The following SS18 variants were observed in gnomAD, a reference collection of about 807,000 sequenced individuals.
SS18 encodes the protein SS18 subunit of BAF chromatin remodeling complex, also known as protein SSXT.
A neutral mutation model predicts 72.5 loss-of-function variants in SS18; 28 were observed. The observed-to-expected ratio is 0.39, with a 90% CI of 0.29 to 0.53. The LOEUF is 0.53. SS18 is among the 20% of genes least tolerant of loss of function. SS18 has a pLI of 0.76. For synonymous variants in SS18, 172 were observed against 164.2 expected (o/e 1.05, Z -0.37); for missense variants, 518 against 535.3 (o/e 0.97, Z 0.32).
intron 3 of SS18, chr18:26,064,852 C>A (rs2054184609): frequency 6.6e-6 from 1 of 151,824 alleles, no homozygotes; most frequent in African/African-American, 2.4e-5. Flanking sequence ...TAATTAAGTG[C>A]ATAGAAAACC....
chr18:26,046,346 T>C (rs973753866), intron 5 of SS18, among the ~76,000 whole-genome samples: 1 of 150,456 alleles, frequency 6.6e-6, no homozygotes, highest in Non-Finnish European at 1.5e-5. Flanking sequence ...TTAGAGTAAG[T>C]CTCTTTTCCA....
At position 26,052,732 on chromosome 18, in the gene SS18, C is replaced by T; in HGVS notation, c.499G>A (p.Val167Met). The T allele has an allele frequency of 6.2e-7, 1 of 1,614,118 alleles. No homozygotes were observed. The highest frequency in any genetic ancestry group is 8.5e-7 in the Non-Finnish European group (1 of 1,179,968). ...HGSMGGYNHS[V>M]PSSQSMPVQN... ...ACTGGCATGCTCTGTGATGATGGCACAGAATGGTTGTAACCTCCCATGGAT... is the reference window on the plus strand; with the variant it reads ...ACTGGCATGCTCTGTGATGATGGCATAGAATGGTTGTAACCTCCCATGGAT... The change falls in exon 5 of 11, where the codon GTG (valine) becomes ATG (methionine). Residue 167 changes from valine (V) to methionine (M), a missense_variant. Transcript: ENST00000415083.
chr18:26,073,455 T>C (rs1017564363), intron 3 of SS18, among the ~76,000 whole-genome samples: 1 of 152,134 alleles, frequency 6.6e-6, no homozygotes, highest in South Asian at 2.1e-4. Context: ...AAATTAATCA[T>C]AAACAAAAAC....
chr18:26,085,686 A>G (rs1273491729), intron 2 of SS18, among the ~76,000 whole-genome samples: 1 of 152,252 alleles, frequency 6.6e-6, no homozygotes, highest in African/African-American at 2.4e-5. Context: ...GGGGAAGGAG[A>G]TAAGACAGTG....
chr18:26,077,256 A>G (rs1317690986), intron 3 of SS18, among the ~76,000 whole-genome samples: 1 of 152,072 alleles, frequency 6.6e-6, no homozygotes, highest in Non-Finnish European at 1.5e-5. Context: ...TCCTGATCTG[A>G]TATTATGGGA....
chr18:26,049,897 T>C (rs1003193191), intron 5 of SS18, among the ~76,000 whole-genome samples: 3 of 151,266 alleles, frequency 2.0e-5, no homozygotes, highest in African/African-American at 7.3e-5. Flanking sequence ...AAAATATATG[T>C]TGGATTGACT....
At chr18:26,090,713 G>A (rs76998065), upstream of SS18, 1 of 859,070 alleles carries the variant, frequency 1.2e-6, no homozygotes, top group Non-Finnish European at 1.8e-6. Context: ...GGGCGGCGGG[G>A]CAGGCCTGAA....
At chr18:26,031,698 G>A (rs1244128612) in intron 10 of SS18, among the ~76,000 whole-genome samples, 1 of 152,172 alleles carries the variant, frequency 6.6e-6, no homozygotes, top group Non-Finnish European at 1.5e-5. Context: ...ATCCTAGGAT[G>A]AGATACACTT....
intron 5 of SS18, among the ~76,000 whole-genome samples, chr18:26,047,332 A>G (rs28759126): frequency 4.8e-4 from 73 of 152,004 alleles, no homozygotes; most frequent in African/African-American, 1.7e-3. Context: ...ACTGAAATCA[A>G]ATCAGTTTCT....
intron 1 of SS18, among the ~76,000 whole-genome samples, chr18:26,089,079 T>C (rs188557279): frequency 1.4e-4 from 21 of 152,272 alleles, no homozygotes; most frequent in Non-Finnish European, 2.5e-4. Flanking sequence ...CTAATATCAA[T>C]CTCTCCCATT....
chr18:26,039,197 A>AAT, intron 6 of SS18, 92 bp downstream of exon 6: 1 of 967,960 alleles, frequency 1.0e-6, no homozygotes, highest in Non-Finnish European at 1.4e-6. Context: ...AAAAAAAAAG[A>AAT]AAACGCCCTG....
intron 2 of SS18, 131 bp downstream of exon 2, chr18:26,087,370 T>A (rs368337115): frequency 5.0e-6 from 3 of 598,552 alleles, no homozygotes; most frequent in African/African-American, 3.9e-5. Context: ...CTAAAAAACA[T>A]TGAATTGTAC....
intron 3 of SS18, among the ~76,000 whole-genome samples, chr18:26,063,446 G>C (rs1260701287): frequency 6.6e-6 from 1 of 152,190 alleles, no homozygotes; most frequent in Non-Finnish European, 1.5e-5. Context: ...GTGAACCCGG[G>C]AGGTGGAGCT....
chr18:26,076,221 T>C (rs2054409214), intron 3 of SS18, among the ~76,000 whole-genome samples: 1 of 151,576 alleles, frequency 6.6e-6, no homozygotes, highest in Non-Finnish European at 1.5e-5. Flanking sequence ...GACATACTGA[T>C]GTTTAAGTGT....
intron 9 of SS18, among the ~76,000 whole-genome samples, chr18:26,033,013 T>C (rs1321133108): frequency 6.6e-6 from 1 of 152,222 alleles, no homozygotes; most frequent in Non-Finnish European, 1.5e-5. Context: ...TATATGTCTA[T>C]ACTATGCATT....
At chr18:26,072,540 C>T (rs562819669) in intron 3 of SS18, among the ~76,000 whole-genome samples, 2 of 151,818 alleles carry the variant, frequency 1.3e-5, no homozygotes, top group Non-Finnish European at 1.5e-5. Context: ...ATGTTGCAGG[C>T]GGCGCGCAGC....
At chr18:26,024,347 A>T (rs1299275462) in intron 10 of SS18, among the ~76,000 whole-genome samples, 1 of 152,172 alleles carries the variant, frequency 6.6e-6, no homozygotes, top group Non-Finnish European at 1.5e-5. Flanking sequence ...TTGGGGGGAC[A>T]GGATATTAGC....
At chr18:26,057,771 A>G in intron 3 of SS18, 29 bp from the exon 4 acceptor site, 3 of 1,574,188 alleles carry the variant, frequency 1.9e-6, no homozygotes, top group Non-Finnish European at 2.6e-6. Flanking sequence ...GTAAAACAAG[A>G]GAAACAGACT....
In SS18 at chr18:26,032,499, G is replaced by A; in HGVS notation, c.1130C>T (p.Pro377Leu). 6.2e-7 allele frequency: 1 copy of A among 1,613,684 alleles called. No homozygotes were observed. ...PSQGGPGPQY[P>L]NYPQGQGQQY... is the part of the protein sequence containing the mutation. ...CTGACCTTGTCCCTGTGGGTAGTTA[G>A]GATACTGAGGACCTGGACCACCCTG... Residue 377 changes from proline to leucine, a missense_variant, in exon 10 of 11, where the codon CCT becomes CTT. Transcript: ENST00000415083.
Sources: allele counts gnomAD v4.1 joint callset (sites outside exome capture counted in the v4.1 genomes callset), GRCh38; gene constraint gnomAD v4.1.1; transcripts MANE v1.5; gene names NCBI Gene and HGNC (gene_info 2026-07-23, HGNC 2026-07-21).